FBXO6: variants seen among roughly 807,000 people sequenced by gnomAD.
The protein encoded by FBXO6 is F-box protein 6.
In FBXO6, 13 loss-of-function variants were observed where a neutral mutation model predicts 25.0. The ratio of observed to expected loss-of-function variants is 0.52; its 90% CI spans 0.34 to 0.83. The LOEUF (loss-of-function observed/expected upper bound fraction) is 0.83, where lower values mean the gene tolerates loss of function less well. Among genes scored for constraint, FBXO6 ranks in the 40% least tolerant of loss-of-function variants. The probability of loss-of-function intolerance (pLI) is 0.02; values close to 1 mark genes in which losing one functional copy is unlikely to be tolerated. For missense variants in FBXO6, 370 were observed against 380.2 expected, an observed-to-expected ratio of 0.97 and a Z score of 0.22; for synonymous variants, 138 against 155.3, an observed-to-expected ratio of 0.89 and a Z score of 0.83.
chr1:11,668,535 T>G, intron 1 of FBXO6, 121 bp from the exon 2 acceptor site: 1 of 1,264,658 alleles, frequency 7.9e-7, no homozygotes, highest in Non-Finnish European at 1.1e-6. Flanking sequence ...TACCTGGGAC[T>G]CCAGGCATGT....
rs1640634419 is a variant in FBXO6 at position 11,672,080 on chromosome 1, G to GCT, written c.509+58_509+59insTC. 3 of 1,464,794 alleles carry GCT rather than the reference G, an allele frequency of 2.0e-6. No homozygotes were observed. In the South Asian group the frequency reaches 3.5e-5, roughly 17 times the overall value. 90.7% of individuals were successfully genotyped at this position (1,464,794 alleles called of 1,614,324 possible). On this transcript the variant is annotated intron_variant, in intron 4 of 5. Coordinates refer to ENST00000376753, the MANE Select transcript of FBXO6 (RefSeq NM_018438.6). ...CTCTACATGCTCCTCTTACTGCGCT[G>GCT]CATGTACGTGAGACAACCCATAGCA...
chr1:11,669,501 CTTA>C (rs1297087570), intron 2 of FBXO6, among the ~76,000 whole-genome samples: 2 of 148,684 alleles, frequency 1.3e-5, no homozygotes, highest in Non-Finnish European at 1.5e-5. Context: ...TCAGAATTTC[CTTA>C]TTTTTTTCTG....
intron 1 of FBXO6, among the ~76,000 whole-genome samples, chr1:11,667,915 A>G (rs1277596349): frequency 6.6e-6 from 1 of 151,832 alleles, no homozygotes; most frequent in African/African-American, 2.4e-5. Flanking sequence ...ACACGATGAA[A>G]CCCCGTCTCT....
chr1:11,670,208 G>A (rs1460591651), intron 2 of FBXO6, among the ~76,000 whole-genome samples: 6 of 144,024 alleles, frequency 4.2e-5, no homozygotes, highest in South Asian at 2.2e-4. Flanking sequence ...GCAAGACTCC[G>A]TCTCAAAAAA....
chr1:11,671,999 G>A lies in FBXO6; in HGVS notation c.485G>A (p.Arg162Gln), dbSNP rs778909842. The change falls in exon 4 of 6, where the codon CGG becomes CAG. Residue 162 changes from arginine (R) to glutamine (Q), a missense_variant. By Grantham distance (43) the Arg-to-Gln change is conservative (BLOSUM62 1). Coordinates refer to ENST00000376753, the MANE Select transcript of FBXO6 (RefSeq NM_018438.6). The stretch of plus-strand genomic sequence containing the variant: ...TGGGAGGAGCTACTAGACACATTCC[G>A]GCCGGACATCGTGGTTAAGGACTGG... ...GYWEELLDTF[R>Q]PDIVVKDWFA... The A allele has an allele frequency of 7.4e-6, 12 of 1,614,032 alleles. No homozygotes were observed. The highest frequency in any genetic ancestry group is 5.5e-5 in the South Asian group (5 of 91,086).
At chr1:11,671,204 G>A in intron 2 of FBXO6, 62 bp from the exon 3 acceptor site, 2 of 1,587,410 alleles carry the variant, frequency 1.3e-6, no homozygotes, top group Non-Finnish European at 1.7e-6. Context: ...CTGGGACTAA[G>A]TGGGGAGGGC....
chr1:11,673,844 T>G lies in FBXO6; in HGVS notation c.875T>G (p.Ile292Ser). The change falls in exon 6 of 6, where the codon ATT becomes AGT. Residue 292 changes from isoleucine to serine, a missense_variant. Coordinates refer to ENST00000376753, the MANE Select transcript of FBXO6 (RefSeq NM_018438.6). The surrounding 1 kb of genome is among the most constrained non-coding windows in gnomAD (Gnocchi z 4.3). ...AQSPYRAVVQ[I>S]F ...TCGCCCTACCGAGCTGTTGTCCAGA[T>G]TTTCTGACAGCTGTCCATCCTGTGT... 1 of 1,613,936 alleles carries G rather than the reference T, an allele frequency of 6.2e-7. No homozygotes were observed. Among genetic ancestry groups the G allele is most frequent in the Non-Finnish European group, 8.5e-7 (1 of 1,179,928 alleles).
intron 2 of FBXO6, among the ~76,000 whole-genome samples, chr1:11,670,000 CAGG>C (rs1046593041): frequency 1.4e-5 from 2 of 146,816 alleles, no homozygotes; most frequent in African/African-American, 2.5e-5. Context: ...ATGACGAGGT[CAGG>C]AGATCGAGAC....
intron 2 of FBXO6, among the ~76,000 whole-genome samples, chr1:11,670,078 T>C (rs1249841054): frequency 6.6e-6 from 1 of 150,968 alleles, no homozygotes; most frequent in African/African-American, 2.4e-5. Context: ...CTGGGCGTGG[T>C]GGCAGGCACC....
intron 2 of FBXO6, among the ~76,000 whole-genome samples, chr1:11,669,637 CATAT>C (rs912536994): frequency 6.8e-6 from 1 of 146,718 alleles, no homozygotes; most frequent in African/African-American, 2.6e-5. Flanking sequence ...CACATGTATA[CATAT>C]ATACACGTGT....
rs548046850 is a variant in FBXO6, at chr1:11,670,027, A to T, written c.286+1083A>T. Among the ~76,000 whole-genome samples the T allele has an allele frequency of 2.0e-5, 3 of 149,196 alleles. No homozygotes were observed. The South Asian group carries it at 6.4e-4, about 32-fold the overall frequency. ...GGAGATCGAGACCATCCTGGCCAACAAGGTGAAACCCCATCTCTACTAAAA... is the reference window on the plus strand; with the variant it reads ...GGAGATCGAGACCATCCTGGCCAACTAGGTGAAACCCCATCTCTACTAAAA... On this transcript the variant is annotated intron_variant, in intron 2 of 5. Coordinates refer to ENST00000376753, the MANE Select transcript of FBXO6 (RefSeq NM_018438.6).
rs1640678154 is a variant in FBXO6 at position 11,673,273 on chromosome 1, C to T, written c.510-4C>T. ...GGACACAGGGCTCTCAACCCCTCCACCAGGTTTGCTGCCAGAGCCGACTGT... is the reference window on the plus strand; with the variant it reads ...GGACACAGGGCTCTCAACCCCTCCATCAGGTTTGCTGCCAGAGCCGACTGT... On this transcript the variant is annotated splice_region_variant and splice_polypyrimidine_tract_variant and intron_variant, in intron 4 of 5. Transcript: ENST00000376753. This position sits in a 1 kb window ranked among gnomAD's most constrained non-coding sequence, Gnocchi z 4.3. The T allele has an allele frequency of 6.2e-7, 1 of 1,611,248 alleles. No individual in the cohort carries two copies. The highest frequency in any genetic ancestry group is 1.3e-5 in the African/African-American group (1 of 75,062).
chr1:11,668,401 G>GTTT (rs58492433), intron 1 of FBXO6, among the ~76,000 whole-genome samples: 149 of 142,634 alleles, frequency 1.0e-3, no homozygotes, highest in Middle Eastern at 3.7e-3. Flanking sequence ...TCTTTTGTGG[G>GTTT]TTTTTTTTTT....
intron 2 of FBXO6, 91 bp from the exon 3 acceptor site, chr1:11,671,175 C>T (rs1276192789): frequency 4.6e-6 from 7 of 1,536,902 alleles, no homozygotes; most frequent in Admixed American, 3.6e-5. Context: ...TAACGCCAAC[C>T]ACCCTCCCTC....
chr1:11,665,105 C>T (rs1640373931), intron 1 of FBXO6, among the ~76,000 whole-genome samples: 1 of 151,942 alleles, frequency 6.6e-6, no homozygotes, highest in Non-Finnish European at 1.5e-5. Flanking sequence ...AGTGCAGTGG[C>T]ATGATCACGG....
chr1:11,669,663 C>A (rs115195947), intron 2 of FBXO6, among the ~76,000 whole-genome samples: 1 of 124,624 alleles, frequency 8.0e-6, no homozygotes, highest in Non-Finnish European at 1.6e-5. Flanking sequence ...TACATATACA[C>A]ATGTATATAT....
rs377264954 is a variant in FBXO6, at chr1:11,668,440, C to T, written c.-3-216C>T. Among the ~76,000 whole-genome samples the T allele has an allele frequency of 1.0e-3, 154 of 151,402 alleles. 2 individuals are homozygous for T. Among genetic ancestry groups the T allele is most frequent in the African/African-American group, 3.7e-3 (151 of 41,192 alleles). On this transcript the variant is annotated intron_variant, in intron 1 of 5. Transcript: ENST00000376753. ...TTAGCCAGAGTCTTGCTTGGTTGCC[C>T]GGGCAGGGGTGCAGTGGCGCGATCA...
rs919589551 is a variant in FBXO6, at chr1:11,673,714, C to T, written c.745C>T (p.Arg249Ter). 23 of 1,613,950 alleles carry T rather than the reference C, an allele frequency of 1.4e-5. No homozygotes were observed. The highest frequency in any genetic ancestry group is 1.8e-5 in the Non-Finnish European group (21 of 1,180,016). Reference protein sequence around the residue: ...TQYWAGWYGPRVTNSSIVVSP... With the variant: ...TQYWAGWYGP Reference sequence around the variant, plus strand: ...GTACTGGGCAGGCTGGTATGGGCCCCGAGTCACCAACAGCAGCATTGTCGT... The same window carrying T: ...GTACTGGGCAGGCTGGTATGGGCCCTGAGTCACCAACAGCAGCATTGTCGT... Residue 249 changes from arginine (R) to a stop codon, truncating the protein, a stop_gained, in exon 6 of 6, where the codon CGA becomes TGA. Transcript: ENST00000376753. LOFTEE classifies it low-confidence loss of function (END_TRUNC). The surrounding 1 kb of genome is among the most constrained non-coding windows in gnomAD (Gnocchi z 4.3).
chr1:11,667,687 G>C (rs950639521), intron 1 of FBXO6, among the ~76,000 whole-genome samples: 1 of 152,124 alleles, frequency 6.6e-6, no homozygotes, highest in African/African-American at 2.4e-5. Flanking sequence ...CCATGGGGTT[G>C]TTTTATCACA....
Sources: allele counts gnomAD v4.1 joint callset (sites outside exome capture counted in the v4.1 genomes callset), GRCh38; gene constraint gnomAD v4.1.1; non-coding constraint Gnocchi (gnomAD v3.1); transcripts MANE v1.5; gene names NCBI Gene and HGNC (gene_info 2026-07-23, HGNC 2026-07-21).